The following SNX29 variants were observed in gnomAD, a reference collection of about 807,000 sequenced individuals.
SNX29 encodes the protein sorting nexin-29.
SNX29 carries 78 observed loss-of-function variants against 102.1 expected under a neutral mutation model. The ratio of observed to expected loss-of-function variants is 0.76; its 90% CI spans 0.64 to 0.92. SNX29 has a LOEUF of 0.92. SNX29 is among the 40% of genes least tolerant of loss of function. The pLI is 0.00. For missense variants in SNX29, 1,280 were observed against 1,061.7 expected, an observed-to-expected ratio of 1.21 and a Z score of -2.86; for synonymous variants, 580 against 414.5, an observed-to-expected ratio of 1.40 and a Z score of -4.85.
At chr16:12,554,426 C>A (rs1355720735) in intron 20 of SNX29, among the ~76,000 whole-genome samples, 1 of 152,194 alleles carries the variant, frequency 6.6e-6, no homozygotes, top group Non-Finnish European at 1.5e-5. Flanking sequence ...GTCAGCGTGT[C>A]CTGCTGTTTC....
intron 15 of SNX29, among the ~76,000 whole-genome samples, chr16:12,301,597 G>A (rs1016520025): frequency 3.9e-5 from 6 of 152,212 alleles, no homozygotes; most frequent in African/African-American, 1.4e-4. Flanking sequence ...GAAATATCAG[G>A]ATCCCCAGTC....
At chr16:12,382,536 C>T (rs1283231759) in intron 16 of SNX29, among the ~76,000 whole-genome samples, 1 of 152,212 alleles carries the variant, frequency 6.6e-6, no homozygotes, top group Non-Finnish European at 1.5e-5. Flanking sequence ...TAGAAAAATG[C>T]GTAACGCAGG....
At chr16:12,117,939 CA>C (rs1029535499) in intron 11 of SNX29, among the ~76,000 whole-genome samples, 15 of 151,978 alleles carry the variant, frequency 9.9e-5, no homozygotes, top group East Asian at 7.7e-4. Context: ...ACTAAAAATA[CA>C]AAAAAACTTA....
intron 20 of SNX29, among the ~76,000 whole-genome samples, chr16:12,532,254 A>G (rs1197928188): frequency 1.3e-5 from 2 of 152,208 alleles, no homozygotes; most frequent in South Asian, 2.1e-4. Flanking sequence ...GCATTCCAAG[A>G]AGTAAAAAGT....
At chr16:12,549,043 G>C (rs559224632) in intron 20 of SNX29, among the ~76,000 whole-genome samples, 2 of 152,370 alleles carry the variant, frequency 1.3e-5, no homozygotes, top group East Asian at 3.9e-4. Flanking sequence ...TCTTAGGTGA[G>C]TCCACTCTTG....
chr16:12,181,301 G>C (rs1157174025), intron 13 of SNX29, among the ~76,000 whole-genome samples: 1 of 152,250 alleles, frequency 6.6e-6, no homozygotes, highest in East Asian at 1.9e-4. Flanking sequence ...TCAGAGCATG[G>C]TTGGGTTTTA....
chr16:12,137,909 A>T (rs536767659), intron 13 of SNX29, among the ~76,000 whole-genome samples: 12 of 152,306 alleles, frequency 7.9e-5, no homozygotes, highest in Non-Finnish European at 1.3e-4. Flanking sequence ...CCAGTTCAGA[A>T]CACCTGCTCT....
intron 11 of SNX29, among the ~76,000 whole-genome samples, chr16:12,105,203 T>TCCTCCCTC (rs55784743): frequency 1.2e-3 from 165 of 143,202 alleles, no homozygotes; most frequent in African/African-American, 3.9e-3. Flanking sequence ...CTTCCTCCCT[T>TCCTCCCTC]CCTCCCTCCC....
rs368531765 is a variant in SNX29 at position 12,524,786 on chromosome 16, G to A, written c.2263G>A (p.Glu755Lys). Residue 755 changes from glutamate to lysine, a missense_variant, in exon 20 of 21, where the codon GAG becomes AAG. Transcript: ENST00000566228. Reference protein sequence around the residue: ...VMNKVIQMVPEFAASPKKETL... With the variant: ...VMNKVIQMVPKFAASPKKETL... ...GAACAAAGTCATCCAGATGGTCCCC[G>A]AGTTCGCTGCCAGCCCCAAGAAGGA... is the stretch of plus-strand genomic sequence containing the variant. 4.1e-5 allele frequency: 66 copies of A among 1,613,618 alleles called. No individual in the cohort carries two copies. Among genetic ancestry groups the A allele is most frequent in the Non-Finnish European group, 5.1e-5 (60 of 1,179,796 alleles).
intron 13 of SNX29, among the ~76,000 whole-genome samples, chr16:12,159,733 G>A (rs1222293260): frequency 1.3e-5 from 2 of 152,162 alleles, no homozygotes; most frequent in African/African-American, 4.8e-5. Context: ...AATATAAAAA[G>A]GAAAGGAAAT....
chr16:12,171,479 G>T (rs1292933621), intron 13 of SNX29, among the ~76,000 whole-genome samples: 1 of 152,252 alleles, frequency 6.6e-6, no homozygotes, highest in Admixed American at 6.5e-5. Context: ...GTGCTTCAGA[G>T]GGAGGGCTCT....
chr16:12,341,187 G>T (rs941471436), intron 15 of SNX29, among the ~76,000 whole-genome samples: 2 of 152,206 alleles, frequency 1.3e-5, no homozygotes, highest in African/African-American at 4.8e-5. Flanking sequence ...AGAAAGTACT[G>T]CCTGGGCCCA....
intron 19 of SNX29, among the ~76,000 whole-genome samples, chr16:12,495,871 G>A (rs570022543): frequency 5.9e-5 from 9 of 152,262 alleles, no homozygotes; most frequent in East Asian, 1.9e-4. Context: ...TGGCAAACAT[G>A]GTAAAACCCC....
intron 14 of SNX29, among the ~76,000 whole-genome samples, chr16:12,275,881 GTTTTTTTT>G (rs34099498): frequency 1.9e-5 from 2 of 104,132 alleles, no homozygotes; most frequent in African/African-American, 3.7e-5. Flanking sequence ...CATTTTAATT[GTTTTTTTT>G]TTTTTTTTTT....
chr16:12,332,836 G>T (rs1006148522), intron 15 of SNX29, among the ~76,000 whole-genome samples: 1 of 152,094 alleles, frequency 6.6e-6, no homozygotes, highest in Non-Finnish European at 1.5e-5. Flanking sequence ...CGTCTTGGCT[G>T]CTGTTGCCCG....
chr16:12,105,874 G>T (rs1285926042), intron 11 of SNX29, among the ~76,000 whole-genome samples: 1 of 152,156 alleles, frequency 6.6e-6, no homozygotes, highest in Non-Finnish European at 1.5e-5. Context: ...AATGAGTGGA[G>T]AAGTTGGGTG....
intron 13 of SNX29, among the ~76,000 whole-genome samples, chr16:12,151,159 T>C (rs2055283819): frequency 6.6e-6 from 1 of 152,232 alleles, no homozygotes; most frequent in Admixed American, 6.5e-5. Flanking sequence ...CACTTGTTAT[T>C]ACTCTTGCTT....
intron 15 of SNX29, among the ~76,000 whole-genome samples, chr16:12,291,401 G>A (rs937652606): frequency 2.0e-5 from 3 of 152,138 alleles, no homozygotes; most frequent in Admixed American, 6.5e-5. Flanking sequence ...TCACTGTCAC[G>A]AGAACAGCAC....
intron 19 of SNX29, among the ~76,000 whole-genome samples, chr16:12,491,351 A>T (rs1470803487): frequency 6.6e-6 from 1 of 152,146 alleles, no homozygotes; most frequent in African/African-American, 2.4e-5. Flanking sequence ...GCCAAATTGT[A>T]CTCCAAGATG....
Sources: gnomAD v4.1 joint callset for allele counts (sites outside exome capture counted in the v4.1 genomes callset) on GRCh38, gnomAD v4.1.1 for gene constraint, MANE v1.5 for transcripts, NCBI Gene and HGNC (gene_info 2026-07-23, HGNC 2026-07-21) for gene names.